GSAP: variants seen among roughly 807,000 people sequenced by gnomAD.
The protein encoded by GSAP is gamma-secretase activating protein, also known as gamma-secretase-activating protein.
Under a neutral mutation model 131.7 loss-of-function variants are expected in GSAP, and 118 were observed. That is an observed-to-expected ratio of 0.90 (90% CI 0.77 to 1.04). GSAP has a LOEUF of 1.04. Ranked by LOEUF, GSAP falls within the 50% of genes least tolerant of loss-of-function variation. The probability of loss-of-function intolerance (pLI) is 0.00; values close to 1 mark genes in which losing one functional copy is unlikely to be tolerated. For missense variants in GSAP, 1,019 were observed against 1,013.2 expected (o/e 1.01, Z -0.08); for synonymous variants, 381 against 363.4 (o/e 1.05, Z -0.55).
At chr7:77,375,128 C>T (rs760219399) in intron 10 of GSAP, 27 bp from the exon 11 acceptor site, 2 of 1,425,170 alleles carry the variant, frequency 1.4e-6, no homozygotes, top group East Asian at 2.3e-5. Context: ...AGAAAATGAA[C>T]CCAAAATGAC....
chr7:77,350,181 C>A (rs1792590531), intron 18 of GSAP, among the ~76,000 whole-genome samples: 2 of 146,720 alleles, frequency 1.4e-5, no homozygotes, highest in East Asian at 2.0e-4. Flanking sequence ...GGACAAAAAA[C>A]CAAACACTGC....
chr7:77,330,297 T>A lies in GSAP; in HGVS notation c.1616A>T (p.His539Leu), dbSNP rs778280816. The A allele has an allele frequency of 1.2e-6, 2 of 1,613,898 alleles. No individual in the cohort carries two copies. Among genetic ancestry groups the A allele is most frequent in the African/African-American group, 2.7e-5 (2 of 74,916 alleles). The change falls in exon 20 of 31, where the codon CAC becomes CTC. Residue 539 changes from histidine (H) to leucine (L), a missense_variant. By Grantham distance (99) the His-to-Leu change is moderately conservative. Coordinates refer to ENST00000257626, the MANE Select transcript of GSAP (RefSeq NM_017439.4). ...GACCACACTGTTGTTATAGTGGAAGTGTGGCTTGGCGTACTTAACATATTC... is the reference window on the plus strand; with the variant it reads ...GACCACACTGTTGTTATAGTGGAAGAGTGGCTTGGCGTACTTAACATATTC... ...NLEYVKYAKP[H>L]FHYNNSVVRR...
rs376679272 is a variant in GSAP, at chr7:77,329,416, T to C, written c.1675-25A>G. On this transcript the variant is annotated intron_variant, in intron 20 of 30. Coordinates refer to ENST00000257626, the MANE Select transcript of GSAP (RefSeq NM_017439.4). ...TCTAGGAGTGAGAACACGTCAGAAA[T>C]GTGGAAGGTAAAGGTTTTATCGGTG... 9.5e-5 allele frequency: 131 copies of C among 1,385,092 alleles called. 1 individual carries two copies. The highest frequency in any genetic ancestry group is 2.0e-4 in the Admixed American group (10 of 49,964). The allele number at this position is 1,385,092 out of a possible 1,614,324, so 85.8% of individuals were successfully genotyped here. A position where few individuals can be genotyped will look rare whatever the true frequency, so the allele number is the denominator to read the frequency against.
intron 19 of GSAP, among the ~76,000 whole-genome samples, chr7:77,343,782 A>T (rs906082013): frequency 1.3e-5 from 2 of 152,190 alleles, no homozygotes; most frequent in African/African-American, 4.8e-5. Context: ...CCAGCCTCAC[A>T]GGCCCATTCT....
At chr7:77,414,572 A>G (rs1054136067) in intron 1 of GSAP, among the ~76,000 whole-genome samples, 1 of 152,260 alleles carries the variant, frequency 6.6e-6, no homozygotes, top group Non-Finnish European at 1.5e-5. Context: ...GTGGAAGGTC[A>G]ATACACAAGT....
At chr7:77,314,253 G>C (rs1404863471) in intron 27 of GSAP, 117 bp downstream of exon 27, 2 of 957,954 alleles carry the variant, frequency 2.1e-6, no homozygotes, top group Non-Finnish European at 1.6e-6. Context: ...AACTGAGCAG[G>C]GCACTCTTCT....
intron 28 of GSAP, among the ~76,000 whole-genome samples, chr7:77,312,544 C>A (rs1477480571): frequency 4.6e-5 from 7 of 152,236 alleles, no homozygotes; most frequent in African/African-American, 1.4e-4. Flanking sequence ...ATGTTTATAT[C>A]AACTTCTCTG....
intron 26 of GSAP, among the ~76,000 whole-genome samples, chr7:77,318,266 AAG>A (rs1190098813): frequency 1.3e-5 from 2 of 152,210 alleles, no homozygotes; most frequent in Non-Finnish European, 2.9e-5. Context: ...AACCACATGA[AAG>A]TGCCATTTTT....
At chr7:77,402,669 C>G (rs1385818856) in intron 3 of GSAP, among the ~76,000 whole-genome samples, 1 of 130,362 alleles carries the variant, frequency 7.7e-6, no homozygotes, top group Admixed American at 8.0e-5. Flanking sequence ...TTCAATAAAA[C>G]CATCAAAAGG....
At chr7:77,396,841 C>A (rs1800479834) in intron 5 of GSAP, 141 bp downstream of exon 5, 2 of 478,570 alleles carry the variant, frequency 4.2e-6, no homozygotes, top group Non-Finnish European at 7.3e-6. Flanking sequence ...CTTTTTCATG[C>A]TTGACATGAC....
chr7:77,317,212 A>G (rs867143881), intron 26 of GSAP, among the ~76,000 whole-genome samples: 22 of 152,310 alleles, frequency 1.4e-4, no homozygotes, highest in African/African-American at 4.8e-4. Context: ...GGATGAGTTC[A>G]TGTCCTTTGC....
At position 77,406,799 on chromosome 7, in the gene GSAP, A is replaced by T. The variant is rs569244478; in HGVS notation, c.110-694T>A. On this transcript the variant is annotated intron_variant, in intron 1 of 30. Coordinates refer to ENST00000257626, the MANE Select transcript of GSAP (RefSeq NM_017439.4). ...AAAAGGTTCCTGCAGGATCACGGAT[A>T]CAGGAGCCGAGGGTAGGGAGAGGGA... is the stretch of plus-strand genomic sequence containing the variant. 5.9e-5 allele frequency among the ~76,000 whole-genome samples: 9 copies of T among 152,340 alleles called. No individual in the cohort carries two copies. The East Asian group carries it at 1.7e-3, about 29-fold the overall frequency.
intron 9 of GSAP, 122 bp from the exon 10 acceptor site, chr7:77,377,029 A>G (rs1796998503): frequency 1.5e-6 from 1 of 671,524 alleles, no homozygotes; most frequent in African/African-American, 1.9e-5. Flanking sequence ...CTGCAGTAAT[A>G]ATAATGTCAA....
At position 77,377,472 on chromosome 7, in the gene GSAP, C is replaced by T. The variant is rs952735244; in HGVS notation, c.577-82G>A. 3.6e-6 allele frequency: 5 copies of T among 1,388,556 alleles called. No homozygotes were observed. In the African/African-American group the frequency reaches 7.4e-5, roughly 20 times the overall value. The allele number at this position is 1,388,556 out of a possible 1,614,324, so 86.0% of individuals were successfully genotyped here. On this transcript the variant is annotated intron_variant, in intron 8 of 30. Transcript: ENST00000257626. ...CATATCTGGAATTCATAATTATTTT[C>T]CATGTCTATCTTTATGATACATGTA...
chr7:77,365,611 A>G (rs1372407345), intron 12 of GSAP, among the ~76,000 whole-genome samples: 1 of 152,172 alleles, frequency 6.6e-6, no homozygotes, highest in South Asian at 2.1e-4. Context: ...TATGTACCAC[A>G]TTTTCTTTAT....
At chr7:77,402,616 A>AAAAAAAAAAAAAATAAAAAAAAAAAAAAT (rs375595494) in intron 3 of GSAP, among the ~76,000 whole-genome samples, 1 of 80,422 alleles carries the variant, frequency 1.2e-5, no homozygotes, top group Non-Finnish European at 2.7e-5. Context: ...AAAAAAAAAA[A>AAAAAAAAAAAAAATAAAAAAAAAAAAAAT]GAATTTTAAA....
Position 77,314,477 on chromosome 7 carries a change from A to T in GSAP, c.2102T>A (p.Leu701Gln), listed in dbSNP as rs759110757. 13 of 1,613,670 alleles carry T rather than the reference A, an allele frequency of 8.1e-6. No homozygotes were observed. Residue 701 changes from leucine to glutamine, a missense_variant, in exon 27 of 31, where the codon CTG (leucine) becomes CAG (glutamine). Transcript: ENST00000257626. ...ACACTGGACCCCGAGGATGGTGTGC[A>T]GAGTATGAAAACCTAGGATGAGAGA... is the stretch of plus-strand genomic sequence containing the variant. ...FLPLPPGFHT[L>Q]HTILGVQCLP...
intron 18 of GSAP, among the ~76,000 whole-genome samples, chr7:77,349,915 G>A (rs966525868): frequency 1.3e-5 from 2 of 152,054 alleles, no homozygotes; most frequent in Non-Finnish European, 2.9e-5. Flanking sequence ...TCAGAGGTAG[G>A]AGCCCCCCAT....
Position 77,404,607 on chromosome 7 carries a change from CT to C in GSAP, c.194del (p.Lys65ArgfsTer44). The C allele has an allele frequency of 6.5e-7, 1 of 1,533,534 alleles. No homozygotes were observed. Among genetic ancestry groups the C allele is most frequent in the Non-Finnish European group, 9.0e-7 (1 of 1,109,878 alleles). The allele number at this position is 1,533,534 out of a possible 1,614,324, so 95.0% of individuals were successfully genotyped here. ...GNIIYTYKDD[K>X]GNVVFGLYDC... ...CATATAATCCAAAGACGACATTTCC[CT>C]TATCATCCTAAAAAAAATTAACCAG... On this transcript the variant is annotated frameshift_variant, in exon 3 of 31. Transcript: ENST00000257626. LOFTEE classifies it high-confidence loss of function.
Sources: allele counts gnomAD v4.1 joint callset (sites outside exome capture counted in the v4.1 genomes callset), GRCh38; gene constraint gnomAD v4.1.1; transcripts MANE v1.5; gene names NCBI Gene and HGNC (gene_info 2026-07-23, HGNC 2026-07-21).